SNX29: variants seen among roughly 807,000 people sequenced by gnomAD.
SNX29 encodes sorting nexin 29.
SNX29 carries 78 observed loss-of-function variants against 102.1 expected under a neutral mutation model. That is an observed-to-expected ratio of 0.76 (90% CI 0.64 to 0.92). The LOEUF (loss-of-function observed/expected upper bound fraction) is 0.92. Among genes scored for constraint, SNX29 ranks in the 40% least tolerant of loss-of-function variants. The pLI is 0.00. For missense variants in SNX29, 1,280 were observed against 1,061.7 expected (o/e 1.21, Z -2.86); for synonymous variants, 580 against 414.5 (o/e 1.40, Z -4.85).
At chr16:12,553,805 C>G (rs1014628148) in intron 20 of SNX29, among the ~76,000 whole-genome samples, 2 of 152,024 alleles carry the variant, frequency 1.3e-5, no homozygotes, top group Non-Finnish European at 2.9e-5. Flanking sequence ...TCAGGCTAGT[C>G]TCGAACTCCT....
chr16:11,997,681 G>C (rs1450060587), intron 1 of SNX29, among the ~76,000 whole-genome samples: 1 of 151,974 alleles, frequency 6.6e-6, no homozygotes, highest in Non-Finnish European at 1.5e-5. Flanking sequence ...GCTTCATCAT[G>C]TTGCCCAGGC....
At chr16:12,290,987 T>A (rs938507153) in intron 15 of SNX29, among the ~76,000 whole-genome samples, 24 of 152,194 alleles carry the variant, frequency 1.6e-4, no homozygotes, top group African/African-American at 5.5e-4. Context: ...ATGGTATCTA[T>A]TCAGCTTGTT....
At chr16:12,104,092 C>G (rs2053132313) in intron 11 of SNX29, among the ~76,000 whole-genome samples, 1 of 152,174 alleles carries the variant, frequency 6.6e-6, no homozygotes. Context: ...AGTTTGTTTC[C>G]TTGAAACGGT....
intron 20 of SNX29, among the ~76,000 whole-genome samples, chr16:12,563,020 G>A (rs902423496): frequency 1.3e-5 from 2 of 151,968 alleles, no homozygotes; most frequent in African/African-American, 2.4e-5. Flanking sequence ...TTCAAACCGT[G>A]TTTACATCAT....
chr16:12,069,352 G>A (rs563075535), intron 10 of SNX29, among the ~76,000 whole-genome samples: 3 of 151,988 alleles, frequency 2.0e-5, no homozygotes, highest in South Asian at 2.1e-4. Flanking sequence ...TGCAAACTCC[G>A]CCTCCCGAGA....
chr16:12,020,110 T>C (rs1223699740), intron 3 of SNX29, among the ~76,000 whole-genome samples: 2 of 152,038 alleles, frequency 1.3e-5, no homozygotes, highest in African/African-American at 4.8e-5. Flanking sequence ...GTGTTAAATA[T>C]TTAGGCAGTT....
At chr16:12,228,083 C>G (rs1596562404) in intron 14 of SNX29, among the ~76,000 whole-genome samples, 1 of 152,100 alleles carries the variant, frequency 6.6e-6, no homozygotes. Flanking sequence ...CAAGACCAGA[C>G]TGGGCAACAC....
intron 15 of SNX29, among the ~76,000 whole-genome samples, chr16:12,300,951 G>A (rs1039791803): frequency 6.6e-6 from 1 of 152,130 alleles, no homozygotes; most frequent in Admixed American, 6.5e-5. Flanking sequence ...CTCCTTTGAG[G>A]ACCACTGGTT....
chr16:12,142,437 TTGGGGGCTGGGGG>T (rs2054899943), intron 13 of SNX29, among the ~76,000 whole-genome samples: 1 of 151,970 alleles, frequency 6.6e-6, no homozygotes, highest in South Asian at 2.1e-4. Flanking sequence ...GGGGCTGGTG[TTGGGGGCTGGGGG>T]TGAGTACAAG....
intron 18 of SNX29, among the ~76,000 whole-genome samples, chr16:12,457,909 A>G (rs1461198348): frequency 6.6e-6 from 1 of 152,222 alleles, no homozygotes; most frequent in Non-Finnish European, 1.5e-5. Context: ...GTTCCTCGTG[A>G]TGACTAATAC....
intron 20 of SNX29, among the ~76,000 whole-genome samples, chr16:12,565,862 T>G (rs535682241): frequency 6.6e-6 from 1 of 152,348 alleles, no homozygotes; most frequent in East Asian, 1.9e-4. Context: ...AAGCCCTCTG[T>G]GCCCTGCTCA....
chr16:12,297,228 A>T (rs1398821204), intron 15 of SNX29: 1 of 152,346 alleles, frequency 6.6e-6, no homozygotes, highest in East Asian at 1.9e-4. Context: ...CCCACCACAC[A>T]CGGGGCAGTG....
intron 18 of SNX29, among the ~76,000 whole-genome samples, chr16:12,423,402 G>T (rs1414696814): frequency 1.3e-5 from 2 of 152,086 alleles, no homozygotes; most frequent in African/African-American, 4.8e-5. Context: ...AGATGAGGAA[G>T]CTGCAGCCGG....
At chr16:11,988,557 C>T (rs365529) in intron 1 of SNX29, among the ~76,000 whole-genome samples, 125,391 of 152,044 alleles carry the variant, frequency 0.82, 53,352 homozygotes, top group South Asian at 0.95. Context: ...CCACCACACA[C>T]GGCTAATTTT....
chr16:12,477,102 C>G (rs2087689976), intron 18 of SNX29, among the ~76,000 whole-genome samples: 1 of 152,128 alleles, frequency 6.6e-6, no homozygotes, highest in Non-Finnish European at 1.5e-5. Context: ...TTCTGTATCC[C>G]CAGAGTATTC....
intron 20 of SNX29, among the ~76,000 whole-genome samples, chr16:12,532,767 C>T (rs138108223): frequency 7.2e-5 from 11 of 152,236 alleles, no homozygotes; most frequent in Middle Eastern, 3.4e-3. Context: ...GGGCAGGAGC[C>T]TGGAGTCCAT....
intron 19 of SNX29, among the ~76,000 whole-genome samples, chr16:12,504,817 G>A (rs56328529): frequency 2.0e-5 from 3 of 152,202 alleles, no homozygotes; most frequent in African/African-American, 2.4e-5. Flanking sequence ...CCACAGTTTC[G>A]GACATCCCCT....
intron 16 of SNX29, chr16:12,366,912 T>TCCTCTC (rs565044599): frequency 6.6e-6 from 1 of 152,150 alleles, no homozygotes; most frequent in Non-Finnish European, 1.5e-5. Context: ...GTGGTTGCAA[T>TCCTCTC]CCTCTCCCTC....
chr16:12,138,173 T>C (rs1416377187), intron 13 of SNX29, among the ~76,000 whole-genome samples: 1 of 149,332 alleles, frequency 6.7e-6, no homozygotes, highest in African/African-American at 2.5e-5. Context: ...GGCAGCATTG[T>C]ACACGAGACT....
Sources: allele counts gnomAD v4.1 joint callset (sites outside exome capture counted in the v4.1 genomes callset), GRCh38; gene constraint gnomAD v4.1.1; transcripts MANE v1.5; gene names NCBI Gene and HGNC (gene_info 2026-07-23, HGNC 2026-07-21).